The following NCALD variants were observed in gnomAD, a reference collection of about 807,000 sequenced individuals.
NCALD encodes neurocalcin-delta.
A neutral mutation model predicts 18.6 loss-of-function variants in NCALD; 10 were observed. That is an observed-to-expected ratio of 0.54 (90% CI 0.33 to 0.91). The LOEUF (loss-of-function observed/expected upper bound fraction) is 0.91, where lower values mean the gene tolerates loss of function less well. Ranked by LOEUF, NCALD falls within the 40% of genes least tolerant of loss-of-function variation. NCALD has a pLI of 0.03. For synonymous variants in NCALD, 88 were observed against 87.4 expected (o/e 1.01, Z -0.04); for missense variants, 184 against 247.6 (o/e 0.74, Z 1.72).
chr8:101,872,541 G>C, intron 4 of NCALD: 1 of 664,724 alleles, frequency 1.5e-6, no homozygotes, highest in Non-Finnish European at 2.7e-6. Flanking sequence ...CTGTGTTGGG[G>C]TCCTGCATCT....
In NCALD at chr8:102,055,881, C is replaced by T. The variant is rs116871748; in HGVS notation, c.-209-35592G>A. ...AAACTACTTTTAAAGCCTCATTTTT[C>T]CTGCCTCCTACTATAGATCAAAACA... On this transcript the variant is annotated intron_variant, in intron 1 of 6. Transcript: ENST00000311028. Among the ~76,000 whole-genome samples, 4 of 152,266 alleles carry T rather than the reference C, an allele frequency of 2.6e-5. No individual in the cohort carries two copies. In the East Asian group the frequency reaches 5.8e-4, roughly 22 times the overall value.
Position 101,806,451 on chromosome 8 carries a change from GAAGT to G in NCALD, c.-20+80686_-20+80689del, listed in dbSNP as rs199625369. ...AGAACTAAAGAAAATCATACTTTATGAAGTAAAAGAGGCTACAATGACAATGCCT... is the reference window on the plus strand; with the variant it reads ...AGAACTAAAGAAAATCATACTTTATGAAAAGAGGCTACAATGACAATGCCT... On this transcript the variant is annotated intron_variant, in intron 4 of 6. Transcript: ENST00000311028. 5.7e-3 allele frequency among the ~76,000 whole-genome samples: 868 copies of G among 152,208 alleles called. 10 individuals carry two copies. The highest frequency in any genetic ancestry group is 0.018 in the African/African-American group (762 of 41,552).
intron 1 of NCALD, among the ~76,000 whole-genome samples, chr8:102,070,714 A>T (rs1240487623): frequency 6.6e-6 from 1 of 152,192 alleles, no homozygotes; most frequent in Non-Finnish European, 1.5e-5. Context: ...AAATGCAAAA[A>T]TAGGTATCAA....
chr8:101,761,496 T>A (rs960345367), intron 1 of NCALD, among the ~76,000 whole-genome samples: 1 of 152,180 alleles, frequency 6.6e-6, no homozygotes, highest in African/African-American at 2.4e-5. Context: ...GGCAGTATAA[T>A]AAAAACTCTC....
intron 1 of NCALD, among the ~76,000 whole-genome samples, chr8:101,760,666 A>G (rs573883647): frequency 3.3e-5 from 5 of 152,322 alleles, no homozygotes; most frequent in Admixed American, 1.3e-4. Flanking sequence ...TAAGTTAAAC[A>G]TAAGTTTTCA....
intron 3 of NCALD, among the ~76,000 whole-genome samples, chr8:101,896,534 G>C (rs1005090171): frequency 2.6e-4 from 40 of 151,840 alleles, no homozygotes; most frequent in Non-Finnish European, 1.9e-4. Flanking sequence ...TGAAACTAAA[G>C]AGCTTCTGCA....
chr8:101,690,365 C>G (rs1814669098), intron 3 of NCALD: 3 of 984,334 alleles, frequency 3.0e-6, no homozygotes, highest in Non-Finnish European at 3.6e-6. Context: ...CTTTGCCCTC[C>G]CTTTTTCTCT....
chr8:102,047,453 T>TA (rs1206352462), intron 1 of NCALD, among the ~76,000 whole-genome samples: 1 of 152,202 alleles, frequency 6.6e-6, no homozygotes, highest in Non-Finnish European at 1.5e-5. Flanking sequence ...CACCGCCTGG[T>TA]ATGGTAGCCG....
intron 4 of NCALD, among the ~76,000 whole-genome samples, chr8:101,855,816 A>C (rs1815294562): frequency 6.6e-6 from 1 of 152,188 alleles, no homozygotes; most frequent in Non-Finnish European, 1.5e-5. Flanking sequence ...GAAATAAAAA[A>C]CAGTGGTGTC....
At chr8:102,114,232 C>A (rs184914786) in intron 1 of NCALD, among the ~76,000 whole-genome samples, 1 of 152,362 alleles carries the variant, frequency 6.6e-6, no homozygotes, top group East Asian at 1.9e-4. Flanking sequence ...TGTGGAGGTA[C>A]TGCCTTCTGA....
At chr8:101,761,460 C>T (rs1177757980) in intron 1 of NCALD, among the ~76,000 whole-genome samples, 1 of 152,086 alleles carries the variant, frequency 6.6e-6, no homozygotes, top group Non-Finnish European at 1.5e-5. Context: ...CAGTGTTTAC[C>T]CTGGGATTGA....
chr8:101,846,936 T>A (rs1213345038), intron 4 of NCALD, among the ~76,000 whole-genome samples: 1 of 152,198 alleles, frequency 6.6e-6, no homozygotes, highest in Non-Finnish European at 1.5e-5. Context: ...TATTTTTGCA[T>A]ACTTATTCCA....
chr8:102,028,417 T>C (rs549780796), intron 1 of NCALD, among the ~76,000 whole-genome samples: 1 of 152,346 alleles, frequency 6.6e-6, no homozygotes, highest in East Asian at 1.9e-4. Flanking sequence ...GTGAACTAAA[T>C]ATTCTACACA....
chr8:101,880,774 G>T (rs1167166809), intron 4 of NCALD, among the ~76,000 whole-genome samples: 2 of 152,156 alleles, frequency 1.3e-5, no homozygotes, highest in African/African-American at 4.8e-5. Context: ...AATTTGAGGG[G>T]TAGAAATCAC....
chr8:101,766,348 C>T (rs568495115), intron 1 of NCALD, among the ~76,000 whole-genome samples: 9 of 132,222 alleles, frequency 6.8e-5, no homozygotes, highest in Middle Eastern at 3.6e-3. Context: ...AAAACAAATT[C>T]GCCAGACAGA....
intron 2 of NCALD, among the ~76,000 whole-genome samples, chr8:101,923,325 T>C (rs1381250881): frequency 6.6e-6 from 1 of 152,214 alleles, no homozygotes; most frequent in Non-Finnish European, 1.5e-5. Context: ...CAAATTTATC[T>C]TGCTAATCTA....
At chr8:102,055,568 G>C (rs1175366618) in intron 1 of NCALD, among the ~76,000 whole-genome samples, 1 of 152,208 alleles carries the variant, frequency 6.6e-6, no homozygotes, top group Non-Finnish European at 1.5e-5. Context: ...CCCTGCATAT[G>C]GTGGTGCCAA....
At chr8:101,808,757 A>T (rs1394358373) in intron 4 of NCALD, among the ~76,000 whole-genome samples, 1 of 152,054 alleles carries the variant, frequency 6.6e-6, no homozygotes, top group Non-Finnish European at 1.5e-5. Context: ...GACCATAAGG[A>T]AGTGGGCTGT....
intron 4 of NCALD, chr8:101,872,515 T>C (rs1206898706): frequency 2.8e-6 from 2 of 726,526 alleles, no homozygotes; most frequent in African/African-American, 3.5e-5. Context: ...GTCTAAGATG[T>C]CATTCCACTC....
Sources: allele counts gnomAD v4.1 joint callset (sites outside exome capture counted in the v4.1 genomes callset), GRCh38; gene constraint gnomAD v4.1.1; transcripts MANE v1.5; gene names NCBI Gene and HGNC (gene_info 2026-07-23, HGNC 2026-07-21).